The following GPR107 variants were observed in gnomAD, a reference collection of about 807,000 sequenced individuals.
The protein encoded by GPR107 is protein GPR107.
GPR107 carries 31 observed loss-of-function variants against 75.5 expected under a neutral mutation model. The observed-to-expected ratio is 0.41, with a 90% CI of 0.31 to 0.55. The LOEUF (loss-of-function observed/expected upper bound fraction) is 0.55. Among genes scored for constraint, GPR107 ranks in the 20% least tolerant of loss-of-function variants. GPR107 has a pLI of 0.26. For missense variants in GPR107, 572 were observed against 665.7 expected, an observed-to-expected ratio of 0.86 and a Z score of 1.55; for synonymous variants, 267 against 251.3, an observed-to-expected ratio of 1.06 and a Z score of -0.59.
rs1445260805 is a variant in GPR107 at position 130,135,192 on chromosome 9, G to A, written c.*71G>A. ...TATTCATAGTCCTATTGGACAGCAG[G>A]AGCAGCTCCTACAGTGAACTATTGG... On this transcript the variant is annotated 3_prime_UTR_variant, in exon 18 of 18. Transcript: ENST00000347136. 18 of 771,680 alleles carry A rather than the reference G, an allele frequency of 2.3e-5. No individual in the cohort carries two copies. In the Admixed American group the frequency reaches 3.0e-4, roughly 13 times the overall value. The allele number at this position is 771,680 out of a possible 1,614,324, so 47.8% of individuals were successfully genotyped here.
At chr9:130,062,686 C>T (rs1829961698) in intron 1 of GPR107, among the ~76,000 whole-genome samples, 2 of 146,242 alleles carry the variant, frequency 1.4e-5, no homozygotes, top group Admixed American at 7.1e-5. Flanking sequence ...TCCTTCCTTC[C>T]TTCCTTCCTT....
At chr9:130,134,810 G>A (rs1831910819) in intron 17 of GPR107, among the ~76,000 whole-genome samples, 1 of 152,226 alleles carries the variant, frequency 6.6e-6, no homozygotes, top group South Asian at 2.1e-4. Flanking sequence ...CCTCATGACA[G>A]TTCTGGAAAG....
chr9:130,107,624 A>G lies in GPR107; in HGVS notation c.1306+85A>G, dbSNP rs539964233. 71 of 901,782 alleles carry G rather than the reference A, an allele frequency of 7.9e-5. No individual in the cohort carries two copies. In the African/African-American group the frequency reaches 9.1e-4, roughly 12 times the overall value. The allele number at this position is 901,782 out of a possible 1,614,324, so 55.9% of individuals were successfully genotyped here. A position where few individuals can be genotyped will look rare whatever the true frequency, so the allele number is the denominator to read the frequency against. On this transcript the variant is annotated intron_variant, in intron 14 of 17. Coordinates refer to ENST00000347136, the MANE Select transcript of GPR107 (RefSeq NM_020960.5). ...CACTGCGGAGGAGTGGAGGCAGCCT[A>G]TGGTGTCAAGATGCTGTCTTCCTGG... is the stretch of plus-strand genomic sequence containing the variant.
At chr9:130,127,985 G>A (rs1831726115) in intron 16 of GPR107, among the ~76,000 whole-genome samples, 2 of 152,218 alleles carry the variant, frequency 1.3e-5, no homozygotes, top group South Asian at 4.1e-4. Context: ...TTACAGGTGT[G>A]AGCCACCACA....
chr9:130,084,047 CATATATATATATATATATATATGT>C (rs1830555060), intron 6 of GPR107, among the ~76,000 whole-genome samples: 1 of 130,908 alleles, frequency 7.6e-6, no homozygotes, highest in African/African-American at 2.8e-5. Context: ...AGAGAGCTAA[CATATATATATATATATATATATGT>C]ACACACATAC....
chr9:130,082,139 C>T (rs1589497220), intron 5 of GPR107, among the ~76,000 whole-genome samples: 1 of 152,270 alleles, frequency 6.6e-6, no homozygotes, highest in East Asian at 1.9e-4. Context: ...ACAAGGAGGG[C>T]ACCAGCCATT....
chr9:130,054,510 TCA>T (rs898237330), intron 1 of GPR107, among the ~76,000 whole-genome samples: 3 of 152,182 alleles, frequency 2.0e-5, no homozygotes, highest in African/African-American at 7.2e-5. Flanking sequence ...AACCTTAGCC[TCA>T]GTTTCCCATT....
intron 14 of GPR107, among the ~76,000 whole-genome samples, chr9:130,121,359 AT>A (rs1564683158): frequency 6.6e-6 from 1 of 152,232 alleles, no homozygotes; most frequent in Non-Finnish European, 1.5e-5. Flanking sequence ...TTGCAAAAAA[AT>A]CTTATAATGT....
chr9:130,058,460 G>A (rs1564655975), intron 1 of GPR107, among the ~76,000 whole-genome samples: 1 of 151,754 alleles, frequency 6.6e-6, no homozygotes, highest in Non-Finnish European at 1.5e-5. Context: ...AGGATGAGTA[G>A]GCTTTTTTTC....
intron 3 of GPR107, among the ~76,000 whole-genome samples, 180 bp downstream of exon 3, chr9:130,076,642 G>A (rs567391349): frequency 1.3e-5 from 2 of 152,250 alleles, no homozygotes; most frequent in African/African-American, 4.8e-5. Context: ...AGTCCCCTGA[G>A]TAGCTGGGAC....
At chr9:130,063,830 G>T (rs7032251) in intron 1 of GPR107, among the ~76,000 whole-genome samples, 3 of 143,250 alleles carry the variant, frequency 2.1e-5, no homozygotes, top group South Asian at 2.2e-4. Context: ...TTTTTTTGAG[G>T]GTCATACTCT....
intron 13 of GPR107, among the ~76,000 whole-genome samples, chr9:130,105,683 G>C (rs917832035): frequency 6.6e-6 from 1 of 152,014 alleles, no homozygotes; most frequent in African/African-American, 2.4e-5. Context: ...CAGCCAGTTA[G>C]ATTCACTCTT....
At position 130,135,722 on chromosome 9, in the gene GPR107, G is replaced by C. The variant is rs1554899878; in HGVS notation, c.*601G>C. ...GCCCCAGACCCTTATTCCAGATGCTGAGAGTGACCAGGACAGCAGCTCCTG... is the reference window on the plus strand; with the variant it reads ...GCCCCAGACCCTTATTCCAGATGCTCAGAGTGACCAGGACAGCAGCTCCTG... On this transcript the variant is annotated 3_prime_UTR_variant, in exon 18 of 18. Transcript: ENST00000347136. The C allele has an allele frequency of 1.3e-5, 2 of 152,540 alleles. No individual in the cohort carries two copies. The highest frequency in any genetic ancestry group is 2.4e-5 in the African/African-American group (1 of 41,446). The allele number at this position is 152,540 out of a possible 1,614,324, so 9.4% of individuals were successfully genotyped here. A position where few individuals can be genotyped will look rare whatever the true frequency, so the allele number is the denominator to read the frequency against.
intron 4 of GPR107, 95 bp downstream of exon 4, chr9:130,077,473 C>T: frequency 1.1e-5 from 8 of 738,702 alleles, no homozygotes; most frequent in East Asian, 5.0e-5. Flanking sequence ...TGCCATGTGC[C>T]AGAGACCGTG....
At chr9:130,132,798 A>C (rs981480840) in intron 17 of GPR107, among the ~76,000 whole-genome samples, 3 of 120,202 alleles carry the variant, frequency 2.5e-5, no homozygotes, top group African/African-American at 1.1e-4. Flanking sequence ...AAAATCAAAT[A>C]AAAAAAAAAT....
intron 14 of GPR107, among the ~76,000 whole-genome samples, chr9:130,124,460 T>C (rs779089295): frequency 6.6e-6 from 1 of 152,226 alleles, no homozygotes; most frequent in Non-Finnish European, 1.5e-5. Context: ...TTATTGAATT[T>C]ACACCCTCAG....
rs1554899998 is a variant in GPR107, at chr9:130,136,487, C to A, written c.*1366C>A. ...TTCCAAAAGCTGGAGCCCACCCCTG[C>A]CTAGGGGTTGTCAGAGAGCCACACC... On this transcript the variant is annotated 3_prime_UTR_variant, in exon 18 of 18. Coordinates refer to ENST00000347136, the MANE Select transcript of GPR107 (RefSeq NM_020960.5). 1 of 152,170 alleles carries A rather than the reference C, an allele frequency of 6.6e-6. No homozygotes were observed. The highest frequency in any genetic ancestry group is 1.5e-5 in the Non-Finnish European group (1 of 68,034). 9.4% of individuals were successfully genotyped at this position (152,170 alleles called of 1,614,324 possible). A position where few individuals can be genotyped will look rare whatever the true frequency, so the allele number is the denominator to read the frequency against.
At chr9:130,100,810 T>C (rs1589512628) in intron 11 of GPR107, 108 bp downstream of exon 11, 4 of 793,592 alleles carry the variant, frequency 5.0e-6, no homozygotes, top group Non-Finnish European at 8.7e-6. Flanking sequence ...TGTGGCAGCC[T>C]GTCTGGGCCC....
At chr9:130,068,181 G>A (rs2065159) in intron 1 of GPR107, among the ~76,000 whole-genome samples, 148,746 of 152,070 alleles carry the variant, frequency 0.98, 72,772 homozygotes, top group East Asian at 1. Context: ...TTCAAGATGC[G>A]GTTAGAAGCC....
Sources: gnomAD v4.1 joint callset for allele counts (sites outside exome capture counted in the v4.1 genomes callset) on GRCh38, gnomAD v4.1.1 for gene constraint, MANE v1.5 for transcripts, NCBI Gene and HGNC (gene_info 2026-07-23, HGNC 2026-07-21) for gene names.